The following WDR25 variants were observed in gnomAD, a reference collection of about 807,000 sequenced individuals.
WDR25 encodes the protein WD repeat domain 25, also known as WD repeat-containing protein 25.
WDR25 carries 35 observed loss-of-function variants against 47.7 expected under a neutral mutation model. That is an observed-to-expected ratio of 0.73 (90% CI 0.56 to 0.97). The LOEUF is 0.97. Among genes scored for constraint, WDR25 ranks in the 50% least tolerant of loss-of-function variants. The pLI is 0.00. For missense variants in WDR25, 634 were observed against 704.7 expected (o/e 0.90, Z 1.14); for synonymous variants, 248 against 278.9 (o/e 0.89, Z 1.10).
At position 100,443,227 on chromosome 14, in the gene WDR25, C is replaced by T. The variant is rs189035482; in HGVS notation, c.823-24794C>T. On this transcript the variant is annotated intron_variant, in intron 2 of 6. Transcript: ENST00000402312. ...TAACAGCCTCATTAGGTTTGTAATA[C>T]GTGGCAGCTGCATGATCTGCTGGGT... is the stretch of plus-strand genomic sequence containing the variant. Among the ~76,000 whole-genome samples, 221 of 152,318 alleles carry T rather than the reference C, an allele frequency of 1.5e-3. 2 individuals carry two copies. The highest frequency in any genetic ancestry group is 1.0e-4 in the Non-Finnish European group (7 of 68,040).
chr14:100,470,386 G>A (rs559053890), intron 3 of WDR25, among the ~76,000 whole-genome samples: 1 of 152,232 alleles, frequency 6.6e-6, no homozygotes, highest in East Asian at 1.9e-4. Context: ...ACACACCGTC[G>A]GATTACTCAA....
intron 4 of WDR25, among the ~76,000 whole-genome samples, chr14:100,517,329 G>A (rs562035955): frequency 4.0e-5 from 6 of 151,558 alleles, no homozygotes; most frequent in Non-Finnish European, 7.4e-5. Flanking sequence ...CACCCGCCTC[G>A]GCCTCCCAAA....
Position 100,529,917 on chromosome 14 carries a change from C to T in WDR25, c.1511C>T (p.Thr504Ile). 6 of 1,613,480 alleles carry T rather than the reference C, an allele frequency of 3.7e-6. No individual in the cohort carries two copies. Among genetic ancestry groups the T allele is most frequent in the Non-Finnish European group, 4.2e-6 (5 of 1,180,034 alleles). ...DGRVLMYSFRTASRACTLQGH... is the reference protein window; with the variant it reads ...DGRVLMYSFRIASRACTLQGH... The stretch of plus-strand genomic sequence containing the variant: ...CGGGTCCTGATGTACAGCTTCCGCA[C>T]AGCCAGCCGAGCATGCACACTGCAG... The change falls in exon 7 of 7, where the codon ACA (threonine) becomes ATA (isoleucine). Residue 504 changes from threonine (T) to isoleucine (I), a missense_variant. Physicochemically the swap from Thr to Ile is moderately conservative, Grantham distance 89. Coordinates refer to ENST00000402312, the MANE Select transcript of WDR25 (RefSeq NM_001161476.3). The surrounding 1 kb of genome is among the most constrained non-coding windows in gnomAD (Gnocchi z 5.1).
rs1196444504 is a variant in WDR25 at position 100,500,333 on chromosome 14, G to A, written c.1101+16209G>A. 6.6e-6 allele frequency among the ~76,000 whole-genome samples: 1 copy of A among 152,180 alleles called. No individual in the cohort carries two copies. Among genetic ancestry groups the A allele is most frequent in the African/African-American group, 2.4e-5 (1 of 41,428 alleles). On this transcript the variant is annotated intron_variant, in intron 4 of 6. Coordinates refer to ENST00000402312, the MANE Select transcript of WDR25 (RefSeq NM_001161476.3). This position sits in a 1 kb window ranked among gnomAD's most constrained non-coding sequence, Gnocchi z 4.7. ...CCCTGCCCTAATTCAGTGGCCTAGA[G>A]GCAGGCCAGCTCGTCTCTTCTGCTC...
intron 4 of WDR25, among the ~76,000 whole-genome samples, chr14:100,501,925 C>G (rs1446983934): frequency 2.0e-5 from 3 of 152,194 alleles, no homozygotes; most frequent in African/African-American, 7.2e-5. Flanking sequence ...GTGCAGTCTG[C>G]CTGGAGCTGT....
In WDR25 at chr14:100,468,118, T is replaced by C. The variant is rs369639749; in HGVS notation, c.920T>C (p.Ile307Thr). 1.2e-6 allele frequency: 2 copies of C among 1,613,540 alleles called. No individual in the cohort carries two copies. Among genetic ancestry groups the C allele is most frequent in the African/African-American group, 1.3e-5 (1 of 74,918 alleles). The change falls in exon 3 of 7, where the codon ATC (isoleucine) becomes ACC (threonine). Residue 307 changes from isoleucine (I) to threonine (T), a missense_variant. Transcript: ENST00000402312. The surrounding 1 kb of genome is among the most constrained non-coding windows in gnomAD (Gnocchi z 4.5). The stretch of plus-strand genomic sequence containing the variant: ...CGGTGGGCTCCCTGTGGCCGGCGCA[T>C]CCTCAGTGGTGGCTTTGACTTCGCG... ...AARWAPCGRR[I>T]LSGGFDFALH...
rs79145085 is a variant in WDR25 at position 100,433,350 on chromosome 14, T to C, written c.823-34671T>C. On this transcript the variant is annotated intron_variant, in intron 2 of 6. Coordinates refer to ENST00000402312, the MANE Select transcript of WDR25 (RefSeq NM_001161476.3). ...TTCAGGTGATGCCCTTTGGCAGGAG[T>C]GTTCCGGGTGATGCTGTGTTTCTCA... 1.4e-3 allele frequency among the ~76,000 whole-genome samples: 210 copies of C among 152,304 alleles called. 7 individuals carry two copies. The East Asian group carries it at 0.037, about 27-fold the overall frequency.
chr14:100,518,186 CT>C (rs1901571997), intron 4 of WDR25, among the ~76,000 whole-genome samples: 1 of 152,162 alleles, frequency 6.6e-6, no homozygotes, highest in Admixed American at 6.5e-5. Flanking sequence ...GACAAATTCA[CT>C]TAGTTCTTCT....
In WDR25 at chr14:100,525,674, A is replaced by ACTGGGCATGGGG. The variant is rs989995429; in HGVS notation, c.1102-195_1102-194insTGGGCATGGGGC. Among the ~76,000 whole-genome samples the ACTGGGCATGGGG allele has an allele frequency of 1.3e-5, 2 of 152,152 alleles. No homozygotes were observed. Among genetic ancestry groups the ACTGGGCATGGGG allele is most frequent in the African/African-American group, 4.8e-5 (2 of 41,424 alleles). On this transcript the variant is annotated intron_variant, in intron 4 of 6. Transcript: ENST00000402312. This position sits in a 1 kb window ranked among gnomAD's most constrained non-coding sequence, Gnocchi z 4.6. ...ATAGAGCAGGGGGGCTGAGAAGCTGACAGACACTGGACTGGGCATGGGGCA... is the reference window on the plus strand; with the variant it reads ...ATAGAGCAGGGGGGCTGAGAAGCTGACTGGGCATGGGGCAGACACTGGACTGGGCATGGGGCA...
chr14:100,471,001 A>G (rs1595122796), intron 3 of WDR25, among the ~76,000 whole-genome samples: 1 of 152,274 alleles, frequency 6.6e-6, no homozygotes, highest in Middle Eastern at 3.4e-3. Context: ...TTCACTCCGC[A>G]GTTGCTTATT....
intron 3 of WDR25, among the ~76,000 whole-genome samples, chr14:100,480,040 G>A (rs1566930311): frequency 3.3e-5 from 5 of 152,280 alleles, no homozygotes; most frequent in South Asian, 4.2e-4. Flanking sequence ...CAAAAAGGTC[G>A]GGGACTGCTT....
At position 100,392,456 on chromosome 14, in the gene WDR25, C is replaced by T. The variant is rs1478983520; in HGVS notation, c.822+10710C>T. Reference sequence around the variant, plus strand: ...CACCCTCTTGCCCCTTCTCCTCTGCCCTTCCTTTGGCCCTTTGTGGAGATG... The same window carrying T: ...CACCCTCTTGCCCCTTCTCCTCTGCTCTTCCTTTGGCCCTTTGTGGAGATG... On this transcript the variant is annotated intron_variant, in intron 2 of 6. Coordinates refer to ENST00000402312, the MANE Select transcript of WDR25 (RefSeq NM_001161476.3). The surrounding 1 kb of genome is among the most constrained non-coding windows in gnomAD (Gnocchi z 4.2). 6.6e-6 allele frequency among the ~76,000 whole-genome samples: 1 copy of T among 151,864 alleles called. No individual in the cohort carries two copies. The highest frequency in any genetic ancestry group is 6.6e-5 in the Admixed American group (1 of 15,234).
chr14:100,463,291 A>G (rs1899489990), intron 2 of WDR25, among the ~76,000 whole-genome samples: 1 of 152,208 alleles, frequency 6.6e-6, no homozygotes, highest in Non-Finnish European at 1.5e-5. Flanking sequence ...AGATACCTAT[A>G]CACCTGTCAC....
intron 4 of WDR25, among the ~76,000 whole-genome samples, chr14:100,495,172 T>C (rs961557778): frequency 9.9e-5 from 15 of 152,204 alleles, no homozygotes; most frequent in African/African-American, 3.4e-4. Context: ...CTGGTCAACA[T>C]GGTGAAACTC....
chr14:100,459,945 T>C (rs180776548), intron 2 of WDR25, among the ~76,000 whole-genome samples: 5,256 of 83,676 alleles, frequency 0.063, 450 homozygotes, highest in African/African-American at 0.15. Context: ...TATATACACA[T>C]ACACATACAC....
At chr14:100,474,938 A>G (rs1042363299) in intron 3 of WDR25, among the ~76,000 whole-genome samples, 2 of 152,368 alleles carry the variant, frequency 1.3e-5, no homozygotes, top group East Asian at 1.9e-4. Context: ...ACTTAACTCA[A>G]CAGCAAGAAG....
At chr14:100,508,111 G>T (rs1901179085) in intron 4 of WDR25, among the ~76,000 whole-genome samples, 1 of 152,002 alleles carries the variant, frequency 6.6e-6, no homozygotes, top group Non-Finnish European at 1.5e-5. Flanking sequence ...ATGCAAAGTT[G>T]GTTCATTATA....
chr14:100,506,063 GCTCC>G lies in WDR25; in HGVS notation c.1102-19798_1102-19795del, dbSNP rs1566941065. Among the ~76,000 whole-genome samples, 1 of 152,006 alleles carries G rather than the reference GCTCC, an allele frequency of 6.6e-6. No individual in the cohort carries two copies. Reference sequence around the variant, plus strand: ...ACAGTTAGTTTTTCAACCCTTGCCCGCTCCCTCCCTCCACCCTCTAGACCACAGT... The same window carrying G: ...ACAGTTAGTTTTTCAACCCTTGCCCGCTCCCTCCACCCTCTAGACCACAGT... On this transcript the variant is annotated intron_variant, in intron 4 of 6. Transcript: ENST00000402312. The surrounding 1 kb of genome is among the most constrained non-coding windows in gnomAD (Gnocchi z 4.8).
chr14:100,380,887 C>T (rs773904786), intron 1 of WDR25, 23 bp from the exon 2 acceptor site: 45 of 1,587,266 alleles, frequency 2.8e-5, no homozygotes, highest in African/African-American at 5.4e-5. Flanking sequence ...CATTTTCTGA[C>T]GGTTGACCTT....
Sources: allele counts gnomAD v4.1 joint callset (sites outside exome capture counted in the v4.1 genomes callset), GRCh38; gene constraint gnomAD v4.1.1; non-coding constraint Gnocchi (gnomAD v3.1); transcripts MANE v1.5; gene names NCBI Gene and HGNC (gene_info 2026-07-23, HGNC 2026-07-21).